Variants in UBR3 observed in about 807,000 individuals in gnomAD.
UBR3 encodes ubiquitin protein ligase E3 component n-recognin 3.
Under a neutral mutation model 243.2 loss-of-function variants are expected in UBR3, and 85 were observed. The ratio of observed to expected loss-of-function variants is 0.35; its 90% CI spans 0.29 to 0.42. The LOEUF is 0.42. Ranked by LOEUF, UBR3 falls within the 10% of genes least tolerant of loss-of-function variation. The pLI is 1.00. For synonymous variants in UBR3, 748 were observed against 799.8 expected, an observed-to-expected ratio of 0.94 and a Z score of 1.09; for missense variants, 1,686 against 2,300.8, an observed-to-expected ratio of 0.73 and a Z score of 5.47.
chr2:170,065,081 G>A (rs951994757), intron 35 of UBR3, among the ~76,000 whole-genome samples: 13 of 151,944 alleles, frequency 8.6e-5, no homozygotes, highest in South Asian at 2.1e-4. Context: ...GACCTCAGGC[G>A]ATCTGCCCGC....
chr2:169,842,429 C>T (rs750344556), intron 1 of UBR3, among the ~76,000 whole-genome samples: 1 of 152,148 alleles, frequency 6.6e-6, no homozygotes, highest in Non-Finnish European at 1.5e-5. Context: ...AAGCAGGCTG[C>T]CCTAGCCAGC....
At chr2:169,946,209 TA>T in intron 20 of UBR3, 78 bp from the exon 21 acceptor site, 1 of 830,652 alleles carries the variant, frequency 1.2e-6, no homozygotes, top group Non-Finnish European at 1.8e-6. Flanking sequence ...TCTAGAACAG[TA>T]AAATATTTTT....
At chr2:170,042,110 G>A (rs1410192311) in intron 32 of UBR3, among the ~76,000 whole-genome samples, 1 of 152,110 alleles carries the variant, frequency 6.6e-6, no homozygotes, top group Non-Finnish European at 1.5e-5. Context: ...TGCCTATTAA[G>A]CAGTCATTTT....
intron 32 of UBR3, among the ~76,000 whole-genome samples, chr2:170,047,689 G>A (rs2091122789): frequency 1.3e-5 from 2 of 152,294 alleles, no homozygotes; most frequent in South Asian, 2.1e-4. Flanking sequence ...TTTGTTACCA[G>A]TGGTCAACTT....
At chr2:170,052,721 G>A (rs1427374394) in intron 32 of UBR3, among the ~76,000 whole-genome samples, 1 of 152,162 alleles carries the variant, frequency 6.6e-6, no homozygotes, top group Non-Finnish European at 1.5e-5. Context: ...CAACGGGTGT[G>A]TACTTTCAGT....
In UBR3 at chr2:170,046,428, G is replaced by A. The variant is rs115603289; in HGVS notation, c.4660+5443G>A. 8.2e-3 allele frequency among the ~76,000 whole-genome samples: 1,249 copies of A among 152,056 alleles called. 13 individuals carry two copies. Among genetic ancestry groups the A allele is most frequent in the Middle Eastern group, 0.054 (16 of 294 alleles). The stretch of plus-strand genomic sequence containing the variant: ...AAGAATCTGAGTCTTTTTCCCTTTA[G>A]AACTTACCATAGTCTCTATTTTGCT... On this transcript the variant is annotated intron_variant, in intron 32 of 38. Coordinates refer to ENST00000272793, the MANE Select transcript of UBR3 (RefSeq NM_172070.4).
At chr2:169,862,632 T>C (rs2105303387) in intron 1 of UBR3, among the ~76,000 whole-genome samples, 1 of 152,352 alleles carries the variant, frequency 6.6e-6, no homozygotes, top group South Asian at 2.1e-4. Context: ...TAGTTTTCCA[T>C]ATGAACTTTA....
chr2:169,915,707 G>T (rs1432647870), intron 11 of UBR3, among the ~76,000 whole-genome samples: 1 of 152,186 alleles, frequency 6.6e-6, no homozygotes, highest in Non-Finnish European at 1.5e-5. Context: ...TTGATCACTT[G>T]ATTAGGGTGG....
intron 35 of UBR3, among the ~76,000 whole-genome samples, chr2:170,064,903 C>A (rs1001545760): frequency 5.4e-5 from 8 of 147,940 alleles, no homozygotes; most frequent in African/African-American, 2.0e-4. Flanking sequence ...AGTGCAGTGG[C>A]GCGGTCTCGG....
intron 6 of UBR3, among the ~76,000 whole-genome samples, chr2:169,894,324 A>G (rs1180760017): frequency 1.4e-4 from 3 of 21,928 alleles, no homozygotes; most frequent in Non-Finnish European, 4.6e-4. Flanking sequence ...ACTCTTAAGA[A>G]AAAAAAAAAA....
At chr2:169,858,748 C>T (rs544767258) in intron 1 of UBR3, among the ~76,000 whole-genome samples, 14 of 152,040 alleles carry the variant, frequency 9.2e-5, no homozygotes, top group Non-Finnish European at 1.8e-4. Context: ...TACAGGCACC[C>T]TCCACCACAC....
chr2:169,988,194 T>G (rs1200519704), intron 25 of UBR3, among the ~76,000 whole-genome samples: 2 of 152,218 alleles, frequency 1.3e-5, no homozygotes, highest in African/African-American at 4.8e-5. Flanking sequence ...GACTTTCAAC[T>G]TCGTGATTAA....
intron 35 of UBR3, among the ~76,000 whole-genome samples, chr2:170,072,946 A>G (rs751817008): frequency 5.3e-5 from 8 of 152,096 alleles, no homozygotes; most frequent in Non-Finnish European, 1.0e-4. Context: ...GCTCCTAACA[A>G]TTCCACCCCC....
intron 5 of UBR3, among the ~76,000 whole-genome samples, chr2:169,881,337 G>A (rs1035230629): frequency 6.6e-6 from 1 of 151,712 alleles, no homozygotes; most frequent in East Asian, 1.9e-4. Flanking sequence ...GCACTACCAC[G>A]CCTGGCTAGT....
chr2:170,023,276 G>GT (rs768100973), intron 30 of UBR3, among the ~76,000 whole-genome samples: 75 of 152,076 alleles, frequency 4.9e-4, no homozygotes, highest in Non-Finnish European at 8.7e-4. Context: ...CCTGGCTGAG[G>GT]TTTTTTCCAT....
chr2:169,891,496 G>A (rs779392699), intron 6 of UBR3, among the ~76,000 whole-genome samples: 2 of 151,944 alleles, frequency 1.3e-5, no homozygotes, highest in Non-Finnish European at 2.9e-5. Flanking sequence ...TGACTGATTT[G>A]GCTCCAGTGT....
chr2:169,901,271 T>G lies in UBR3; in HGVS notation c.1466-3843T>G, dbSNP rs1013734048. 2.0e-5 allele frequency among the ~76,000 whole-genome samples: 3 copies of G among 152,296 alleles called. No individual in the cohort carries two copies. The South Asian group carries it at 6.2e-4, about 32-fold the overall frequency. On this transcript the variant is annotated intron_variant, in intron 8 of 38. Coordinates refer to ENST00000272793, the MANE Select transcript of UBR3 (RefSeq NM_172070.4). ...TGGAAATTCTTATACAAATTGAATTTTCAACAAGCTGAAATAAAGATTGGT... is the reference window on the plus strand; with the variant it reads ...TGGAAATTCTTATACAAATTGAATTGTCAACAAGCTGAAATAAAGATTGGT...
At chr2:169,904,008 T>C (rs535467119) in intron 8 of UBR3, among the ~76,000 whole-genome samples, 1 of 152,300 alleles carries the variant, frequency 6.6e-6, no homozygotes, top group South Asian at 2.1e-4. Context: ...AAATAGCACA[T>C]CTATAAAGCA....
chr2:169,857,576 C>T (rs1165378004), intron 1 of UBR3, among the ~76,000 whole-genome samples: 1 of 143,646 alleles, frequency 7.0e-6, no homozygotes, highest in Non-Finnish European at 1.5e-5. Context: ...GCCACCACGT[C>T]TGACTAATGT....
Sources: gnomAD v4.1 joint callset for allele counts (sites outside exome capture counted in the v4.1 genomes callset) on GRCh38, gnomAD v4.1.1 for gene constraint, MANE v1.5 for transcripts, NCBI Gene and HGNC (gene_info 2026-07-23, HGNC 2026-07-21) for gene names.